HAVCR2: variants seen among roughly 807,000 people sequenced by gnomAD.
HAVCR2 encodes the protein hepatitis A virus cellular receptor 2.
HAVCR2 carries 13 observed loss-of-function variants against 24.7 expected under a neutral mutation model. That is an observed-to-expected ratio of 0.53 (90% CI 0.34 to 0.84). The LOEUF (loss-of-function observed/expected upper bound fraction) is 0.84. Among genes scored for constraint, HAVCR2 ranks in the 40% least tolerant of loss-of-function variants. The pLI is 0.01. For synonymous variants in HAVCR2, 154 were observed against 143.4 expected (o/e 1.07, Z -0.53); for missense variants, 343 against 371.2 (o/e 0.92, Z 0.62).
At chr5:157,093,290 T>C (rs1757039619) in intron 5 of HAVCR2, among the ~76,000 whole-genome samples, 1 of 152,084 alleles carries the variant, frequency 6.6e-6, no homozygotes, top group East Asian at 1.9e-4. Context: ...ATCAATTAAC[T>C]GTGTAAATGC....
chr5:157,093,464 T>G (rs1757041999), intron 5 of HAVCR2, among the ~76,000 whole-genome samples: 2 of 152,262 alleles, frequency 1.3e-5, no homozygotes, highest in South Asian at 2.1e-4. Flanking sequence ...CTGTTCCAGT[T>G]TTAGCCCTAG....
chr5:157,098,624 G>A (rs1405096514), intron 4 of HAVCR2, among the ~76,000 whole-genome samples: 1 of 152,140 alleles, frequency 6.6e-6, no homozygotes, highest in Non-Finnish European at 1.5e-5. Flanking sequence ...TCTTCTTTGT[G>A]GTTTTCAAGC....
At chr5:157,100,629 A>G (rs1757153687) in intron 3 of HAVCR2, among the ~76,000 whole-genome samples, 1 of 152,226 alleles carries the variant, frequency 6.6e-6, no homozygotes, top group Non-Finnish European at 1.5e-5. Flanking sequence ...AACTTCTTAA[A>G]TGTCACTGTC....
At chr5:157,100,383 T>C (rs1267580810) in intron 3 of HAVCR2, among the ~76,000 whole-genome samples, 1 of 152,218 alleles carries the variant, frequency 6.6e-6, no homozygotes, top group Non-Finnish European at 1.5e-5. Context: ...AGGGTCACGT[T>C]GCCCAGCCAC....
At chr5:157,095,707 TAA>T (rs35269370) in intron 4 of HAVCR2, among the ~76,000 whole-genome samples, 6 of 129,956 alleles carry the variant, frequency 4.6e-5, no homozygotes, top group East Asian at 2.3e-4. Context: ...AAGGAGCTCT[TAA>T]AAAAAAAAAA....
intron 5 of HAVCR2, among the ~76,000 whole-genome samples, chr5:157,094,137 G>A (rs1757057534): frequency 6.7e-6 from 1 of 149,516 alleles, no homozygotes; most frequent in Non-Finnish European, 1.5e-5. Context: ...GAGCTCAAGT[G>A]ATCCTCCCAC....
At chr5:157,098,784 G>A (rs1455499070) in intron 4 of HAVCR2, 74 bp downstream of exon 4, 1 of 1,342,650 alleles carries the variant, frequency 7.4e-7, no homozygotes. Context: ...GACAAGGTGG[G>A]CATGAAGGAA....
Position 157,104,655 on chromosome 5 carries a change from T to A in HAVCR2, c.478+11A>T. 1 of 1,577,604 alleles carries A rather than the reference T, an allele frequency of 6.3e-7. No homozygotes were observed. Among genetic ancestry groups the A allele is most frequent in the Admixed American group, 1.7e-5 (1 of 57,786 alleles). ...GCTAAAGATTCCCTCCTCTGCCCCA[T>A]GCATAGTTACCTGGGCCATGTCCCC... On this transcript the variant is annotated intron_variant, in intron 3 of 6. Coordinates refer to ENST00000307851, the MANE Select transcript of HAVCR2 (RefSeq NM_032782.5).
At chr5:157,107,100 CA>C in intron 1 of HAVCR2, 138 bp from the exon 2 acceptor site, 2 of 685,172 alleles carry the variant, frequency 2.9e-6, no homozygotes, top group Non-Finnish European at 4.8e-6. Flanking sequence ...TTCGCTGTGA[CA>C]ATGCTTCTCA....
In HAVCR2 at chr5:157,097,026, T is replaced by C. The variant is rs1581758860; in HGVS notation, c.523-1567A>G. Among the ~76,000 whole-genome samples, 5 of 152,156 alleles carry C rather than the reference T, an allele frequency of 3.3e-5. No individual in the cohort carries two copies. The South Asian group carries it at 1.0e-3, about 31-fold the overall frequency. ...GAAGTTAAATCTTCCATTTATTCAA[T>C]ATACATTTACAAATTGATTCAATAC... is the stretch of plus-strand genomic sequence containing the variant. On this transcript the variant is annotated intron_variant, in intron 4 of 6. Coordinates refer to ENST00000307851, the MANE Select transcript of HAVCR2 (RefSeq NM_032782.5).
chr5:157,095,736 A>G (rs1259117111), intron 4 of HAVCR2, among the ~76,000 whole-genome samples: 2 of 146,968 alleles, frequency 1.4e-5, no homozygotes, highest in South Asian at 4.3e-4. Context: ...AGAGAGAAGG[A>G]GCTCTTAAGA....
chr5:157,101,548 A>T (rs1757164972), intron 3 of HAVCR2, among the ~76,000 whole-genome samples: 1 of 152,142 alleles, frequency 6.6e-6, no homozygotes, highest in Admixed American at 6.5e-5. Context: ...AGGTACTACT[A>T]TTTTCCCCAT....
At chr5:157,102,087 CCA>C (rs1757175750) in intron 3 of HAVCR2, among the ~76,000 whole-genome samples, 1 of 151,814 alleles carries the variant, frequency 6.6e-6, no homozygotes, top group Non-Finnish European at 1.5e-5. Context: ...TAGGCATGCA[CCA>C]CCATGACCAG....
chr5:157,106,766 A>G lies in HAVCR2; in HGVS notation c.255T>C (p.Asn85=), dbSNP rs552358033. 285 of 1,614,170 alleles carry G rather than the reference A, an allele frequency of 1.8e-4. 6 individuals are homozygous for G. In the South Asian group the frequency reaches 3.0e-3, roughly 17 times the overall value. ...ACACATCTCCTTTGCGGAAATCCCC[A>G]TTTAGCCAGTATCTGGATGTCCAAT... The part of the protein sequence containing the change: ...VNYWTSRYWL[N]GDFRKGDVSL... Residue 85 remains asparagine, a synonymous_variant, in exon 2 of 7, where the codon AAT becomes AAC. Coordinates refer to ENST00000307851, the MANE Select transcript of HAVCR2 (RefSeq NM_032782.5).
At chr5:157,102,948 A>AAC (rs1264427917) in intron 3 of HAVCR2, among the ~76,000 whole-genome samples, 3 of 151,132 alleles carry the variant, frequency 2.0e-5, no homozygotes, top group Admixed American at 6.6e-5. Context: ...AAAAAAAAAA[A>AAC]AGGAAAGAAA....
Position 157,106,822 on chromosome 5 carries a change from C to T in HAVCR2, c.199G>A (p.Val67Met), listed in dbSNP as rs377032621. ...ACATCCCTTTCATCAGTCCTGAGCA[C>T]CACGTTGCCACATTCAAACACAGGA... Reference protein sequence around the residue: ...ACPVFECGNVVLRTDERDVNY... With the variant: ...ACPVFECGNVMLRTDERDVNY... The change falls in exon 2 of 7, where the codon GTG becomes ATG. Residue 67 changes from valine to methionine, a missense_variant. Physicochemically the swap from Val to Met is conservative, Grantham distance 21. Transcript: ENST00000307851. The T allele has an allele frequency of 6.2e-7, 1 of 1,614,050 alleles. No homozygotes were observed. Among genetic ancestry groups the T allele is most frequent in the Non-Finnish European group, 8.5e-7 (1 of 1,180,032 alleles).
intron 1 of HAVCR2, 25 bp from the exon 2 acceptor site, chr5:157,106,987 A>T: frequency 6.3e-7 from 1 of 1,579,142 alleles, no homozygotes; most frequent in Admixed American, 1.8e-5. Flanking sequence ...AAGGAGAGCC[A>T]AGACTCAAGC....
rs1431485829 is a variant in HAVCR2, at chr5:157,085,993, T to C, written c.*1109A>G. 6.6e-6 allele frequency: 1 copy of C among 152,232 alleles called. No homozygotes were observed. The highest frequency in any genetic ancestry group is 1.5e-5 in the Non-Finnish European group (1 of 68,042). 9.4% of individuals were successfully genotyped at this position (152,232 alleles called of 1,614,324 possible). A position where few individuals can be genotyped will look rare whatever the true frequency, so the allele number is the denominator to read the frequency against. On this transcript the variant is annotated 3_prime_UTR_variant, in exon 7 of 7. Coordinates refer to ENST00000307851, the MANE Select transcript of HAVCR2 (RefSeq NM_032782.5). ...ATCCAGCGCTGGTAATATAGATTGCTGAAGGCCTTTGCCTTCTTTCCACCA... is the reference window on the plus strand; with the variant it reads ...ATCCAGCGCTGGTAATATAGATTGCCGAAGGCCTTTGCCTTCTTTCCACCA...
chr5:157,096,813 T>C (rs886470103), intron 4 of HAVCR2, among the ~76,000 whole-genome samples: 1 of 150,908 alleles, frequency 6.6e-6, no homozygotes, highest in African/African-American at 2.4e-5. Flanking sequence ...AAATAATAAT[T>C]ATAGGCCAGG....
Sources: allele counts gnomAD v4.1 joint callset (sites outside exome capture counted in the v4.1 genomes callset), GRCh38; gene constraint gnomAD v4.1.1; transcripts MANE v1.5; gene names NCBI Gene and HGNC (gene_info 2026-07-23, HGNC 2026-07-21).